PACS2: variants seen among roughly 807,000 people sequenced by gnomAD.
The protein encoded by PACS2 is PACS1-like protein.
A neutral mutation model predicts 113.0 loss-of-function variants in PACS2; 36 were observed. The ratio of observed to expected loss-of-function variants is 0.32; its 90% CI spans 0.24 to 0.42. The LOEUF is 0.42. Ranked by LOEUF, PACS2 falls within the 10% of genes least tolerant of loss-of-function variation. The pLI is 1.00. For synonymous variants in PACS2, 589 were observed against 536.1 expected, an observed-to-expected ratio of 1.10 and a Z score of -1.36; for missense variants, 1,015 against 1,239.5, an observed-to-expected ratio of 0.82 and a Z score of 2.72.
chr14:105,384,305 C>G (rs781835209), intron 16 of PACS2, 48 bp from the exon 17 acceptor site: 1 of 1,137,598 alleles, frequency 8.8e-7, no homozygotes, highest in Non-Finnish European at 1.3e-6. Flanking sequence ...GGGAGCCTTG[C>G]AGCTCCGAGT....
chr14:105,394,769 A>C lies in PACS2; in HGVS notation c.*97A>C. 1.2e-6 allele frequency: 1 copy of C among 817,876 alleles called. No individual in the cohort carries two copies. Among genetic ancestry groups the C allele is most frequent in the Non-Finnish European group, 2.2e-6 (1 of 464,890 alleles). 50.7% of individuals were successfully genotyped at this position (817,876 alleles called of 1,614,324 possible). On this transcript the variant is annotated 3_prime_UTR_variant, in exon 25 of 25. Transcript: ENST00000447393. ...AGTTTACTACAGAGACAGACGCTTAAAACACAAAGAGAAACAGTCTTAAGT... is the reference window on the plus strand; with the variant it reads ...AGTTTACTACAGAGACAGACGCTTACAACACAAAGAGAAACAGTCTTAAGT...
intron 17 of PACS2, 92 bp from the exon 18 acceptor site, chr14:105,384,787 G>T: frequency 1.2e-6 from 1 of 823,808 alleles, no homozygotes; most frequent in Non-Finnish European, 2.0e-6. Context: ...GGTACGGGAG[G>T]CCTGGGCGGG....
At chr14:105,343,886 C>T (rs2059825106) in intron 1 of PACS2, among the ~76,000 whole-genome samples, 1 of 151,662 alleles carries the variant, frequency 6.6e-6, no homozygotes, top group Non-Finnish European at 1.5e-5. Context: ...TTGTTGAGTT[C>T]TGAGAGTTCA....
intron 1 of PACS2, among the ~76,000 whole-genome samples, chr14:105,318,365 C>G (rs977154343): frequency 1.3e-5 from 2 of 152,162 alleles, no homozygotes; most frequent in African/African-American, 2.4e-5. Context: ...ATTGTAACCC[C>G]TAAAACCTGG....
chr14:105,387,140 G>A (rs988231737), intron 19 of PACS2, among the ~76,000 whole-genome samples: 1 of 152,228 alleles, frequency 6.6e-6, no homozygotes, highest in Non-Finnish European at 1.5e-5. Flanking sequence ...ACCCAGCAAA[G>A]GCCATAAGTG....
At position 105,380,499 on chromosome 14, in the gene PACS2, A is replaced by C. The variant is rs587674450; in HGVS notation, c.1125+345A>C. On this transcript the variant is annotated intron_variant, in intron 11 of 24. Coordinates refer to ENST00000447393, the MANE Select transcript of PACS2 (RefSeq NM_001100913.3). ...CCTCAGGGTCAGGGCAGCTGGACTC[A>C]CCCCACCCTCAGGGTCAGGGCCCCT... Among the ~76,000 whole-genome samples, 252 of 114,976 alleles carry C rather than the reference A, an allele frequency of 2.2e-3. 2 individuals carry two copies. Among genetic ancestry groups the C allele is most frequent in the South Asian group, 3.0e-3 (10 of 3,308 alleles). The allele number at this position is 114,976 out of a possible 152,430, so 75.4% of individuals were successfully genotyped here.
rs1001743072 is a variant in PACS2 at position 105,356,199 on chromosome 14, C to T, written c.423+1022C>T. 1.3e-5 allele frequency among the ~76,000 whole-genome samples: 2 copies of T among 152,098 alleles called. No individual in the cohort carries two copies. The highest frequency in any genetic ancestry group is 2.9e-5 in the Non-Finnish European group (2 of 67,996). ...GGCCCAGCCTGCAGGCCTCCTGTCT[C>T]CCAGGTCAAGCGCTAGGTCCCCCAG... is the stretch of plus-strand genomic sequence containing the variant. On this transcript the variant is annotated intron_variant, in intron 4 of 24. Coordinates refer to ENST00000447393, the MANE Select transcript of PACS2 (RefSeq NM_001100913.3). The surrounding 1 kb of genome is among the most constrained non-coding windows in gnomAD (Gnocchi z 4.0).
chr14:105,384,287 G>A, intron 16 of PACS2, 66 bp from the exon 17 acceptor site: 1 of 947,396 alleles, frequency 1.1e-6, no homozygotes, highest in South Asian at 1.4e-5. Context: ...CAGCTTTTGT[G>A]CCGCGGTGGG....
chr14:105,394,250 A>T (rs2081469442), intron 24 of PACS2: 2 of 985,218 alleles, frequency 2.0e-6, no homozygotes, highest in Admixed American at 6.1e-5. Context: ...GTGGACGAGC[A>T]GCGCCTGGCG....
chr14:105,316,357 C>T (rs2058630013), intron 1 of PACS2, among the ~76,000 whole-genome samples: 1 of 152,236 alleles, frequency 6.6e-6, no homozygotes, highest in South Asian at 2.1e-4. Flanking sequence ...TCTCCCCAGG[C>T]CTGGCTGCTT....
At position 105,384,461 on chromosome 14, in the gene PACS2, C is replaced by T. The variant is rs201652289; in HGVS notation, c.1889C>T (p.Ala630Val). The T allele has an allele frequency of 3.8e-4, 601 of 1,600,634 alleles. No homozygotes were observed. The highest frequency in any genetic ancestry group is 4.1e-4 in the Non-Finnish European group (478 of 1,170,454). Residue 630 changes from alanine (A) to valine (V), a missense_variant and splice_region_variant, in exon 17 of 25, where the codon GCG becomes GTG. Transcript: ENST00000447393. ...TTCAACAAGCTGGAGGCCCAGAGTG[C>T]GGGTGAGGCCCGGGCGCGTCCACAG... The part of the protein sequence containing the change: ...DLFNKLEAQS[A>V]VQDTPDIVSR...
intron 8 of PACS2, chr14:105,370,957 T>G (rs1222163363): frequency 2.0e-5 from 3 of 152,246 alleles, no homozygotes; most frequent in African/African-American, 7.2e-5. Flanking sequence ...AGCAGGGTTG[T>G]CACCCGTCGG....
chr14:105,314,945 C>CCCCGGCGCG lies in PACS2; in HGVS notation c.38_46dup (p.Pro13_Ala15dup), dbSNP rs1299796427. 1.5e-5 allele frequency: 17 copies of CCCCGGCGCG among 1,168,456 alleles called. No homozygotes were observed. The highest frequency in any genetic ancestry group is 1.7e-5 in the Non-Finnish European group (16 of 929,448). 72.4% of individuals were successfully genotyped at this position (1,168,456 alleles called of 1,614,324 possible). A position where few individuals can be genotyped will look rare whatever the true frequency, so the allele number is the denominator to read the frequency against. ...TGGCCGAGCGAGGCCGCCTCGGCCT[C>CCCCGGCGCG]CCCGGCGCGCCCGGCGCGCTCAACA... On this transcript the variant is annotated inframe_insertion, in exon 1 of 25. Coordinates refer to ENST00000447393, the MANE Select transcript of PACS2 (RefSeq NM_001100913.3).
chr14:105,327,509 G>T (rs1566906295), intron 1 of PACS2, among the ~76,000 whole-genome samples: 1 of 152,184 alleles, frequency 6.6e-6, no homozygotes, highest in African/African-American at 2.4e-5. Flanking sequence ...AATGGTGCTG[G>T]GGGCGGGGCC....
chr14:105,325,176 G>T lies in PACS2; in HGVS notation c.119+10139G>T, dbSNP rs190774443. Among the ~76,000 whole-genome samples the T allele has an allele frequency of 1.3e-3, 197 of 151,758 alleles. 2 individuals are homozygous for T. The highest frequency in any genetic ancestry group is 4.5e-3 in the African/African-American group (185 of 41,308). ...CGTCGTAGGGTGGTGGGACGGGGGG[G>T]GGCTCGGACACAGTGGTTGTGGAGG... On this transcript the variant is annotated intron_variant, in intron 1 of 24. Transcript: ENST00000447393.
At chr14:105,301,787 G>C (rs895618259) in intron 1 of PACS2, among the ~76,000 whole-genome samples, 2 of 151,798 alleles carry the variant, frequency 1.3e-5, no homozygotes, top group Non-Finnish European at 1.5e-5. Flanking sequence ...TCAAATATCT[G>C]CAGGTGCTGT....
At chr14:105,326,950 A>G (rs1183342459) in intron 1 of PACS2, among the ~76,000 whole-genome samples, 2 of 151,432 alleles carry the variant, frequency 1.3e-5, no homozygotes, top group Non-Finnish European at 2.9e-5. Flanking sequence ...TGTTTTTCCC[A>G]CCTAGCTGGA....
chr14:105,392,333 G>A (rs868918242), intron 22 of PACS2: 5 of 475,002 alleles, frequency 1.1e-5, no homozygotes, highest in South Asian at 2.4e-5. Context: ...GAGCTGGTTC[G>A]CACGGGCCCT....
In PACS2 at chr14:105,355,764, A is replaced by T. The variant is rs2060418713; in HGVS notation, c.423+587A>T. 6.6e-6 allele frequency among the ~76,000 whole-genome samples: 1 copy of T among 152,188 alleles called. No individual in the cohort carries two copies. The highest frequency in any genetic ancestry group is 1.5e-5 in the Non-Finnish European group (1 of 68,020). On this transcript the variant is annotated intron_variant, in intron 4 of 24. Transcript: ENST00000447393. This position sits in a 1 kb window ranked among gnomAD's most constrained non-coding sequence, Gnocchi z 4.1. ...GCAGCAGCCCACCTTGCTCCAGAGA[A>T]CCCAGCGTTCCAAGGAGGCTGCAGT...
Sources: allele counts gnomAD v4.1 joint callset (sites outside exome capture counted in the v4.1 genomes callset), GRCh38; gene constraint gnomAD v4.1.1; non-coding constraint Gnocchi (gnomAD v3.1); transcripts MANE v1.5; gene names NCBI Gene and HGNC (gene_info 2026-07-23, HGNC 2026-07-21).